Variants in GRIK2 observed in about 807,000 individuals in gnomAD.
The protein encoded by GRIK2 is glutamate receptor ionotropic, kainate 2.
Under a neutral mutation model 100.3 loss-of-function variants are expected in GRIK2, and 32 were observed. The observed-to-expected ratio is 0.32, with a 90% CI of 0.24 to 0.43. The LOEUF (loss-of-function observed/expected upper bound fraction) is 0.43. Ranked by LOEUF, GRIK2 falls within the 20% of genes least tolerant of loss-of-function variation. GRIK2 has a pLI of 1.00. For missense variants in GRIK2, 843 were observed against 1,114.9 expected, an observed-to-expected ratio of 0.76 and a Z score of 3.47; for synonymous variants, 417 against 389.4, an observed-to-expected ratio of 1.07 and a Z score of -0.83.
intron 4 of GRIK2, among the ~76,000 whole-genome samples, chr6:101,632,028 G>A (rs916388072): frequency 3.9e-5 from 6 of 152,014 alleles, no homozygotes; most frequent in African/African-American, 1.4e-4. Context: ...TTTAGTTGTT[G>A]AAAATAATCT....
intron 2 of GRIK2, among the ~76,000 whole-genome samples, chr6:101,491,955 C>G (rs558579948): frequency 3.4e-4 from 51 of 151,566 alleles, no homozygotes; most frequent in Admixed American, 3.3e-3. Context: ...ATAGCTTAAA[C>G]TTTTTGTGCA....
At chr6:101,773,227 T>C (rs1778514274) in intron 7 of GRIK2, among the ~76,000 whole-genome samples, 1 of 152,130 alleles carries the variant, frequency 6.6e-6, no homozygotes, top group Non-Finnish European at 1.5e-5. Flanking sequence ...ATGCCTGTAA[T>C]CCCAGCACTT....
intron 2 of GRIK2, among the ~76,000 whole-genome samples, chr6:101,472,592 A>C (rs922493054): frequency 6.6e-6 from 1 of 151,898 alleles, no homozygotes; most frequent in African/African-American, 2.4e-5. Context: ...TACAGCCTAC[A>C]TACTATTCAA....
chr6:101,991,520 A>T (rs1794377796), intron 14 of GRIK2, among the ~76,000 whole-genome samples: 1 of 151,272 alleles, frequency 6.6e-6, no homozygotes, highest in African/African-American at 2.4e-5. Flanking sequence ...TTATGTTAGC[A>T]AAATAAATAT....
chr6:101,663,814 C>T (rs963179330), intron 4 of GRIK2, among the ~76,000 whole-genome samples: 7 of 152,150 alleles, frequency 4.6e-5, no homozygotes, highest in African/African-American at 7.2e-5. Flanking sequence ...TCTTCGCAGT[C>T]CATGTAGTTC....
At chr6:102,016,683 G>A (rs1406345774) in intron 14 of GRIK2, among the ~76,000 whole-genome samples, 1 of 151,904 alleles carries the variant, frequency 6.6e-6, no homozygotes, top group Non-Finnish European at 1.5e-5. Context: ...GAGAATAAAA[G>A]CAACTTGGAA....
Position 101,460,573 on chromosome 6 carries a change from A to G in GRIK2, c.115+61181A>G, listed in dbSNP as rs1460426085. 2.6e-5 allele frequency among the ~76,000 whole-genome samples: 4 copies of G among 152,350 alleles called. No individual in the cohort carries two copies. The East Asian group carries it at 7.7e-4, about 29-fold the overall frequency. On this transcript the variant is annotated intron_variant, in intron 2 of 16. Transcript: ENST00000369134. ...GCAGTTTGGATTACTTTTCTATTAT[A>G]GTAAGAGTGATACAGCACATTAACA... is the stretch of plus-strand genomic sequence containing the variant.
At chr6:101,406,206 A>G (rs1160727326) in intron 2 of GRIK2, among the ~76,000 whole-genome samples, 1 of 151,832 alleles carries the variant, frequency 6.6e-6, no homozygotes, top group Non-Finnish European at 1.5e-5. Context: ...GACTCTAAAA[A>G]CTTTTCTGCA....
At chr6:101,997,870 G>A (rs1794732406) in intron 14 of GRIK2, among the ~76,000 whole-genome samples, 1 of 151,388 alleles carries the variant, frequency 6.6e-6, no homozygotes, top group Admixed American at 6.6e-5. Context: ...AGTTTATTAT[G>A]ATATGTAAAC....
intron 2 of GRIK2, among the ~76,000 whole-genome samples, chr6:101,546,976 G>A (rs1338837427): frequency 4.7e-5 from 7 of 148,456 alleles, no homozygotes; most frequent in African/African-American, 1.2e-4. Context: ...GACTACAGGC[G>A]CCCGCCACTA....
intron 10 of GRIK2, among the ~76,000 whole-genome samples, chr6:101,841,231 A>G (rs1783479898): frequency 6.6e-6 from 1 of 152,200 alleles, no homozygotes; most frequent in Admixed American, 6.5e-5. Flanking sequence ...TGATAGGTAT[A>G]AATATATAGG....
At position 101,652,024 on chromosome 6, in the gene GRIK2, T is replaced by C. The variant is rs548577048; in HGVS notation, c.542-24599T>C. 5.3e-5 allele frequency among the ~76,000 whole-genome samples: 8 copies of C among 152,252 alleles called. No homozygotes were observed. In the South Asian group the frequency reaches 8.3e-4, roughly 16 times the overall value. ...AGAGAATAATACTGCTGGTATGTCA[T>C]GTAAATGAAGGCTGAAAATTGGCTG... is the stretch of plus-strand genomic sequence containing the variant. On this transcript the variant is annotated intron_variant, in intron 4 of 16. Transcript: ENST00000369134.
intron 2 of GRIK2, among the ~76,000 whole-genome samples, chr6:101,567,320 A>G (rs1777323646): frequency 6.6e-6 from 1 of 151,892 alleles, no homozygotes; most frequent in Non-Finnish European, 1.5e-5. Flanking sequence ...AAATCATTTT[A>G]TATCTCAAAA....
chr6:102,065,764 T>C (rs182031285), intron 16 of GRIK2: 1 of 1,409,488 alleles, frequency 7.1e-7, no homozygotes, highest in Admixed American at 2.1e-5. Flanking sequence ...TGTTATGTCA[T>C]CTAATTAATT....
At chr6:101,787,666 A>G (rs1295834468) in intron 7 of GRIK2, among the ~76,000 whole-genome samples, 1 of 152,094 alleles carries the variant, frequency 6.6e-6, no homozygotes, top group South Asian at 2.1e-4. Context: ...CTGATAAGAT[A>G]TTTGACTTTT....
intron 14 of GRIK2, among the ~76,000 whole-genome samples, chr6:101,943,558 A>T (rs1791086273): frequency 6.6e-6 from 1 of 152,228 alleles, no homozygotes; most frequent in Non-Finnish European, 1.5e-5. Context: ...AAAGCTGCCC[A>T]GGCCTTGGGA....
chr6:101,546,534 T>A (rs1424217627), intron 2 of GRIK2, among the ~76,000 whole-genome samples: 1 of 152,172 alleles, frequency 6.6e-6, no homozygotes, highest in African/African-American at 2.4e-5. Flanking sequence ...GGTTTCACAC[T>A]TATCACCTAA....
intron 2 of GRIK2, among the ~76,000 whole-genome samples, chr6:101,547,680 T>C (rs934824088): frequency 9.2e-5 from 14 of 152,294 alleles, no homozygotes; most frequent in Non-Finnish European, 1.8e-4. Context: ...TAGTATTCCA[T>C]GGTGTATATG....
Position 101,560,176 on chromosome 6 carries a change from G to A in GRIK2, c.116-61773G>A, listed in dbSNP as rs146763969. ...AACAATTTGTGGAAGAGCATCACTCGCCTCCATCAGACGAGTGTCAAGAGA... is the reference window on the plus strand; with the variant it reads ...AACAATTTGTGGAAGAGCATCACTCACCTCCATCAGACGAGTGTCAAGAGA... On this transcript the variant is annotated intron_variant, in intron 2 of 16. Transcript: ENST00000369134. Among the ~76,000 whole-genome samples the A allele has an allele frequency of 3.6e-3, 546 of 152,156 alleles. 2 individuals are homozygous for A. Among genetic ancestry groups the A allele is most frequent in the Middle Eastern group, 6.8e-3 (2 of 294 alleles).
Sources: gnomAD v4.1 joint callset for allele counts (sites outside exome capture counted in the v4.1 genomes callset) on GRCh38, gnomAD v4.1.1 for gene constraint, MANE v1.5 for transcripts, NCBI Gene and HGNC (gene_info 2026-07-23, HGNC 2026-07-21) for gene names.